Variants in CDH13 observed in about 807,000 individuals in gnomAD.
CDH13 encodes cadherin 13.
Under a neutral mutation model 63.8 loss-of-function variants are expected in CDH13, and 24 were observed. The ratio of observed to expected loss-of-function variants is 0.38; its 90% CI spans 0.27 to 0.53. CDH13 has a LOEUF of 0.53. CDH13 is among the 20% of genes least tolerant of loss of function. The pLI is 0.85. For synonymous variants in CDH13, 503 were observed against 355.3 expected (o/e 1.42, Z -4.67); for missense variants, 1,049 against 903.1 (o/e 1.16, Z -2.07).
At chr16:83,126,230 A>C (rs1318542962) in intron 4 of CDH13, among the ~76,000 whole-genome samples, 1 of 152,136 alleles carries the variant, frequency 6.6e-6, no homozygotes, top group Non-Finnish European at 1.5e-5. Context: ...TGCTGCTTGT[A>C]CTTCTGGCCA....
intron 7 of CDH13, among the ~76,000 whole-genome samples, chr16:83,533,481 G>T (rs533127984): frequency 6.6e-6 from 1 of 152,196 alleles, no homozygotes; most frequent in Non-Finnish European, 1.5e-5. Context: ...TGTAGGTAGA[G>T]TTGGCAGGTT....
At chr16:83,189,821 G>A (rs975670877) in intron 4 of CDH13, among the ~76,000 whole-genome samples, 8 of 152,166 alleles carry the variant, frequency 5.3e-5, no homozygotes, top group African/African-American at 9.7e-5. Flanking sequence ...ATCCCCACAC[G>A]TCACGGGAGG....
At chr16:83,467,110 A>C (rs775174956) in intron 6 of CDH13, among the ~76,000 whole-genome samples, 3 of 152,176 alleles carry the variant, frequency 2.0e-5, no homozygotes, top group Admixed American at 6.5e-5. Context: ...CAAGAAAGCA[A>C]TATAAGCCAT....
At chr16:82,982,448 T>C (rs928836288) in intron 2 of CDH13, among the ~76,000 whole-genome samples, 63 of 152,190 alleles carry the variant, frequency 4.1e-4, no homozygotes, top group African/African-American at 5.3e-4. Flanking sequence ...AAATCTAAAG[T>C]GTCGGCAGAG....
chr16:83,678,183 T>C, intron 9 of CDH13, 25 bp from the exon 10 acceptor site: 1 of 1,595,868 alleles, frequency 6.3e-7, no homozygotes, highest in South Asian at 1.1e-5. Flanking sequence ...GTGTGCATCC[T>C]GAGACCCTTC....
chr16:83,511,057 C>G lies in CDH13; in HGVS notation c.960+24402C>G, dbSNP rs1316947763. On this transcript the variant is annotated intron_variant, in intron 7 of 13. Coordinates refer to ENST00000567109, the MANE Select transcript of CDH13 (RefSeq NM_001257.5). Reference sequence around the variant, plus strand: ...GCACGCATGCACACGTGTGTGCACACACAGACACGCACACACATGCACGCA... The same window carrying G: ...GCACGCATGCACACGTGTGTGCACAGACAGACACGCACACACATGCACGCA... Among the ~76,000 whole-genome samples the G allele has an allele frequency of 1.1e-4, 11 of 97,760 alleles. 1 individual carries two copies. Among genetic ancestry groups the G allele is most frequent in the African/African-American group, 4.1e-4 (10 of 24,270 alleles). 64.1% of individuals were successfully genotyped at this position (97,760 alleles called of 152,430 possible). A position where few individuals can be genotyped will look rare whatever the true frequency, so the allele number is the denominator to read the frequency against.
At chr16:82,836,710 G>A (rs1488286045) in intron 1 of CDH13, among the ~76,000 whole-genome samples, 1 of 152,162 alleles carries the variant, frequency 6.6e-6, no homozygotes, top group Non-Finnish European at 1.5e-5. Context: ...CCGACTTCCT[G>A]CATTCTGTGG....
intron 5 of CDH13, among the ~76,000 whole-genome samples, chr16:83,330,393 A>T (rs1232627402): frequency 6.6e-6 from 1 of 152,198 alleles, no homozygotes; most frequent in East Asian, 1.9e-4. Context: ...GCACGTGAAT[A>T]AAAAATGATC....
At chr16:83,600,254 G>A (rs770890667) in intron 7 of CDH13, among the ~76,000 whole-genome samples, 8 of 152,198 alleles carry the variant, frequency 5.3e-5, no homozygotes, top group South Asian at 2.1e-4. Context: ...TCAGAGAACC[G>A]TGTGACCTTC....
At chr16:83,732,336 G>A (rs759698461) in intron 10 of CDH13, among the ~76,000 whole-genome samples, 20 of 152,202 alleles carry the variant, frequency 1.3e-4, no homozygotes, top group Non-Finnish European at 2.1e-4. Context: ...GGGGAGAGGT[G>A]AGGGGGAGAA....
intron 1 of CDH13, among the ~76,000 whole-genome samples, chr16:82,637,335 T>C (rs1676408790): frequency 6.6e-6 from 1 of 151,510 alleles, no homozygotes; most frequent in East Asian, 1.9e-4. Context: ...CTTTTCTTCC[T>C]TTTCTCAACA....
At chr16:82,924,287 A>G (rs2042240336) in intron 2 of CDH13, among the ~76,000 whole-genome samples, 1 of 152,214 alleles carries the variant, frequency 6.6e-6, no homozygotes, top group Non-Finnish European at 1.5e-5. Context: ...AGCCTTGTTC[A>G]TGCAGAGACA....
intron 1 of CDH13, among the ~76,000 whole-genome samples, chr16:82,808,917 C>G (rs1486665282): frequency 6.6e-6 from 1 of 152,082 alleles, no homozygotes; most frequent in African/African-American, 2.4e-5. Flanking sequence ...CTTATACCTG[C>G]CCTCATGTTT....
At chr16:82,656,210 G>T (rs1246639403) in intron 1 of CDH13, among the ~76,000 whole-genome samples, 1 of 152,076 alleles carries the variant, frequency 6.6e-6, no homozygotes, top group African/African-American at 2.4e-5. Flanking sequence ...TTCAAGCAGA[G>T]AATCAGTGGT....
intron 5 of CDH13, among the ~76,000 whole-genome samples, chr16:83,301,421 C>A (rs2089741929): frequency 6.6e-6 from 1 of 152,100 alleles, no homozygotes; most frequent in Non-Finnish European, 1.5e-5. Context: ...CTGTGCCGTG[C>A]TGGTTTTACC....
In CDH13 at chr16:83,120,763, C is replaced by CTTT. The variant is rs750711823; in HGVS notation, c.367-4608_367-4606dup. On this transcript the variant is annotated intron_variant, in intron 3 of 13. Coordinates refer to ENST00000567109, the MANE Select transcript of CDH13 (RefSeq NM_001257.5). ...AATACAACGCGCTCTAATTTTCTTT[C>CTTT]TTTTTTTTTTTTTTTTCTGAGATGG... Among the ~76,000 whole-genome samples, 42 of 60,204 alleles carry CTTT rather than the reference C, an allele frequency of 7.0e-4. 4 individuals are homozygous for CTTT. Among genetic ancestry groups the CTTT allele is most frequent in the African/African-American group, 1.5e-3 (30 of 20,678 alleles). 39.5% of individuals were successfully genotyped at this position (60,204 alleles called of 152,430 possible).
chr16:82,913,554 G>T (rs1045872037), intron 2 of CDH13, among the ~76,000 whole-genome samples: 1 of 152,146 alleles, frequency 6.6e-6, no homozygotes, highest in Non-Finnish European at 1.5e-5. Context: ...GGGTCGATGG[G>T]TCAAACATGA....
chr16:83,371,523 G>A (rs1048281987), intron 6 of CDH13, among the ~76,000 whole-genome samples: 1 of 152,108 alleles, frequency 6.6e-6, no homozygotes, highest in Non-Finnish European at 1.5e-5. Flanking sequence ...AATTTTAGGT[G>A]GCATAGAGGT....
chr16:83,507,507 C>T (rs983011654), intron 7 of CDH13, among the ~76,000 whole-genome samples: 8 of 152,118 alleles, frequency 5.3e-5, no homozygotes, highest in African/African-American at 1.9e-4. Flanking sequence ...CCATTCTTAA[C>T]AGTACAATAA....
Sources: gnomAD v4.1 joint callset for allele counts (sites outside exome capture counted in the v4.1 genomes callset) on GRCh38, gnomAD v4.1.1 for gene constraint, MANE v1.5 for transcripts, NCBI Gene and HGNC (gene_info 2026-07-23, HGNC 2026-07-21) for gene names.